CDH4: variants seen among roughly 807,000 people sequenced by gnomAD.
CDH4 encodes the protein cadherin-4.
Under a neutral mutation model 86.0 loss-of-function variants are expected in CDH4, and 33 were observed. That is an observed-to-expected ratio of 0.38 (90% CI 0.29 to 0.51). The LOEUF (loss-of-function observed/expected upper bound fraction) is 0.51, where lower values mean the gene tolerates loss of function less well. CDH4 is among the 20% of genes least tolerant of loss of function. The pLI is 0.86. For missense variants in CDH4, 1,114 were observed against 1,307.4 expected, an observed-to-expected ratio of 0.85 and a Z score of 2.28; for synonymous variants, 555 against 549.4, an observed-to-expected ratio of 1.01 and a Z score of -0.14.
intron 2 of CDH4, among the ~76,000 whole-genome samples, chr20:61,390,507 A>G (rs201557109): frequency 2.8e-5 from 4 of 140,692 alleles, no homozygotes; most frequent in Non-Finnish European, 4.6e-5. Flanking sequence ...TGTCTGGGAA[A>G]CCCCAATTGA....
rs2084498728 is a variant in CDH4, at chr20:61,319,880, G to A, written c.169+64943G>A. On this transcript the variant is annotated intron_variant, in intron 2 of 15. Coordinates refer to ENST00000614565, the MANE Select transcript of CDH4 (RefSeq NM_001794.5). ...TGAGGCGGGAGAATCACTTGAACCT[G>A]GGAGGCGAAGGATGCAGTAAGCCGA... Among the ~76,000 whole-genome samples, 3 of 151,746 alleles carry A rather than the reference G, an allele frequency of 2.0e-5. No individual in the cohort carries two copies. The South Asian group carries it at 6.3e-4, about 32-fold the overall frequency.
intron 2 of CDH4, among the ~76,000 whole-genome samples, chr20:61,712,511 C>G (rs1402431951): frequency 6.6e-6 from 1 of 152,122 alleles, no homozygotes; most frequent in Non-Finnish European, 1.5e-5. Context: ...TGGGAAGGTG[C>G]CAGCCCTGCC....
chr20:61,813,942 T>C (rs1215827267), intron 4 of CDH4, among the ~76,000 whole-genome samples: 1 of 152,148 alleles, frequency 6.6e-6, no homozygotes, highest in Non-Finnish European at 1.5e-5. Context: ...CACCAGGGTC[T>C]CCCCAGCCCA....
intron 2 of CDH4, among the ~76,000 whole-genome samples, chr20:61,444,284 T>TA (rs2085331325): frequency 4.0e-5 from 6 of 151,558 alleles, no homozygotes; most frequent in Admixed American, 2.0e-4. Flanking sequence ...TATGTGTATG[T>TA]ATGTGTGGGT....
chr20:61,764,778 C>T (rs1282186039), intron 3 of CDH4, among the ~76,000 whole-genome samples: 1 of 152,180 alleles, frequency 6.6e-6, no homozygotes, highest in African/African-American at 2.4e-5. Flanking sequence ...CCCACTGCTG[C>T]CCACATCCCA....
At chr20:61,554,055 GC>G (rs1169585327) in intron 2 of CDH4, among the ~76,000 whole-genome samples, 1 of 152,210 alleles carries the variant, frequency 6.6e-6, no homozygotes, top group Non-Finnish European at 1.5e-5. Flanking sequence ...CAGGGCAGGG[GC>G]AGGTTCTCCC....
At chr20:61,431,341 ACT>A (rs1350133502) in intron 2 of CDH4, among the ~76,000 whole-genome samples, 21 of 142,460 alleles carry the variant, frequency 1.5e-4, no homozygotes, top group Admixed American at 1.4e-4. Flanking sequence ...GGCCAAAATT[ACT>A]CTCTTTTTTT....
At chr20:61,936,547 C>G (rs1349902176) in intron 15 of CDH4, among the ~76,000 whole-genome samples, 190 bp from the exon 16 acceptor site, 1 of 147,672 alleles carries the variant, frequency 6.8e-6, no homozygotes, top group East Asian at 2.0e-4. Context: ...CTCCCACGCT[C>G]CATCTTCACA....
At chr20:61,796,787 G>C (rs1292346244) in intron 4 of CDH4, among the ~76,000 whole-genome samples, 1 of 152,190 alleles carries the variant, frequency 6.6e-6, no homozygotes, top group African/African-American at 2.4e-5. Context: ...GGAAATGCTA[G>C]AAACTGGAGT....
chr20:61,315,270 A>G (rs555412480), intron 2 of CDH4, among the ~76,000 whole-genome samples: 1 of 152,300 alleles, frequency 6.6e-6, no homozygotes, highest in East Asian at 1.9e-4. Flanking sequence ...CTGGGAAAGA[A>G]ACGTTTCCTC....
intron 2 of CDH4, chr20:61,718,998 C>T (rs2087999094): frequency 2.1e-6 from 1 of 471,176 alleles, no homozygotes; most frequent in Non-Finnish European, 4.4e-6. Context: ...TGAAAGAGCA[C>T]ACTCAGCATC....
chr20:61,849,569 C>T (rs1038815695), intron 5 of CDH4, among the ~76,000 whole-genome samples: 2 of 151,996 alleles, frequency 1.3e-5, no homozygotes, highest in Non-Finnish European at 2.9e-5. Context: ...GGTGCTCCCC[C>T]GGCCCTAGGG....
Position 61,677,489 on chromosome 20 carries a change from C to T in CDH4, c.170-66074C>T, listed in dbSNP as rs574317356. 3.9e-5 allele frequency among the ~76,000 whole-genome samples: 6 copies of T among 152,238 alleles called. No individual in the cohort carries two copies. In the South Asian group the frequency reaches 6.2e-4, roughly 16 times the overall value. ...AGTTGGTGTCAATGTATAGACCTGA[C>T]GATAATACAACTGTCTTTTTTAAAC... is the stretch of plus-strand genomic sequence containing the variant. On this transcript the variant is annotated intron_variant, in intron 2 of 15. Coordinates refer to ENST00000614565, the MANE Select transcript of CDH4 (RefSeq NM_001794.5).
intron 2 of CDH4, among the ~76,000 whole-genome samples, chr20:61,381,039 T>G (rs2084897641): frequency 6.6e-6 from 1 of 152,182 alleles, no homozygotes. Context: ...CAGATGGAAA[T>G]TCAGAGTGTT....
chr20:61,866,065 G>A (rs1462433455), intron 6 of CDH4, among the ~76,000 whole-genome samples: 3 of 152,160 alleles, frequency 2.0e-5, no homozygotes, highest in Non-Finnish European at 2.9e-5. Context: ...TCAAGGGACC[G>A]AAGTTTCCTA....
chr20:61,710,243 C>T (rs916953975), intron 2 of CDH4, among the ~76,000 whole-genome samples: 2 of 152,204 alleles, frequency 1.3e-5, no homozygotes, highest in Admixed American at 6.5e-5. Context: ...GGCCAGAAGT[C>T]CCTCTGCTGG....
At chr20:61,389,836 C>A (rs2084971749) in intron 2 of CDH4, among the ~76,000 whole-genome samples, 1 of 152,164 alleles carries the variant, frequency 6.6e-6, no homozygotes, top group African/African-American at 2.4e-5. Context: ...TGACATCGTG[C>A]AGTCATAGGG....
At chr20:61,533,212 G>A (rs1416015245) in intron 2 of CDH4, among the ~76,000 whole-genome samples, 1 of 152,176 alleles carries the variant, frequency 6.6e-6, no homozygotes, top group Non-Finnish European at 1.5e-5. Flanking sequence ...GGAGATGGAG[G>A]GATCCACAAC....
rs971716117 is a variant in CDH4 at position 61,710,273 on chromosome 20, A to C, written c.170-33290A>C. On this transcript the variant is annotated intron_variant, in intron 2 of 15. Coordinates refer to ENST00000614565, the MANE Select transcript of CDH4 (RefSeq NM_001794.5). ...TGCTGGCAGCTGCCTGTGTGTCCTC[A>C]AAGAAGTCAGCTCACCTCTCTGAGC... Among the ~76,000 whole-genome samples the C allele has an allele frequency of 7.9e-5, 12 of 152,184 alleles. 1 individual carries two copies. The highest frequency in any genetic ancestry group is 7.2e-4 in the Admixed American group (11 of 15,282).
Sources: allele counts gnomAD v4.1 joint callset (sites outside exome capture counted in the v4.1 genomes callset), GRCh38; gene constraint gnomAD v4.1.1; transcripts MANE v1.5; gene names NCBI Gene and HGNC (gene_info 2026-07-23, HGNC 2026-07-21).